GPC3: variants seen among roughly 807,000 people sequenced by gnomAD.
GPC3 encodes the protein glypican 3, also known as glypican-3.
GPC3 carries 3 observed loss-of-function variants against 34.4 expected under a neutral mutation model. That is an observed-to-expected ratio of 0.09 (90% CI 0.04 to 0.23). The LOEUF (loss-of-function observed/expected upper bound fraction) is 0.23, where lower values mean the gene tolerates loss of function less well. GPC3 is among the 10% of genes least tolerant of loss of function. The probability of loss-of-function intolerance (pLI) is 1.00; values close to 1 mark genes in which losing one functional copy is unlikely to be tolerated. For synonymous variants in GPC3, 177 were observed against 174.0 expected (o/e 1.02, Z -0.13); for missense variants, 351 against 445.6 (o/e 0.79, Z 1.91).
intron 2 of GPC3, among the ~76,000 whole-genome samples, chrX:133,822,597 A>G (rs750621474): frequency 5.4e-5 from 6 of 111,590 alleles, no homozygotes; most frequent in Non-Finnish European, 9.4e-5. Flanking sequence ...TAGGAAAAAT[A>G]TAGCATATAC....
intron 2 of GPC3, among the ~76,000 whole-genome samples, chrX:133,941,258 G>A (rs753978512): frequency 8.9e-6 from 1 of 112,496 alleles, no homozygotes; most frequent in African/African-American, 3.2e-5. Context: ...TGGGAAGGAT[G>A]TCCAGAATCC....
chrX:133,975,009 C>T (rs777971768), intron 1 of GPC3, among the ~76,000 whole-genome samples: 2 of 111,567 alleles, frequency 1.8e-5, no homozygotes, highest in South Asian at 7.8e-4. Flanking sequence ...TTACCAAGCA[C>T]CTATTATGTG....
At chrX:133,763,630 G>T in intron 2 of GPC3, 5 of 789,089 alleles carry the variant, frequency 6.3e-6, no homozygotes, top group Non-Finnish European at 9.5e-6. Context: ...CTGGTCTGCC[G>T]CTTCCACTGC....
intron 5 of GPC3, among the ~76,000 whole-genome samples, chrX:133,674,282 T>G (rs1008758871): frequency 3.6e-5 from 4 of 111,061 alleles, no homozygotes; most frequent in Non-Finnish European, 7.6e-5. Flanking sequence ...TTGCAATGAA[T>G]AGCCAAGGGA....
At chrX:133,604,194 T>C (rs1311814315) in intron 6 of GPC3, among the ~76,000 whole-genome samples, 1 of 111,532 alleles carries the variant, frequency 9.0e-6, no homozygotes, top group African/African-American at 3.3e-5. Context: ...AGAGATCTCA[T>C]TAACAGTAAC....
intron 2 of GPC3, among the ~76,000 whole-genome samples, chrX:133,772,778 A>C (rs748026825): frequency 7.1e-4 from 79 of 111,884 alleles, no homozygotes; most frequent in African/African-American, 2.4e-3. Flanking sequence ...CTCACATTTT[A>C]TTAATTAATT....
chrX:133,611,152 A>G (rs1279678590), intron 6 of GPC3, among the ~76,000 whole-genome samples: 3 of 108,765 alleles, frequency 2.8e-5, no homozygotes, highest in Non-Finnish European at 5.7e-5. Context: ...CTTCTTCCTG[A>G]ATCCTTAGCC....
intron 6 of GPC3, among the ~76,000 whole-genome samples, chrX:133,599,787 G>C (rs2069959915): frequency 8.9e-6 from 1 of 111,833 alleles, no homozygotes; most frequent in Non-Finnish European, 1.9e-5. Flanking sequence ...ATTATGTTTA[G>C]ATATAGATTA....
At chrX:133,944,123 T>C (rs2076357308) in intron 2 of GPC3, among the ~76,000 whole-genome samples, 1 of 110,709 alleles carries the variant, frequency 9.0e-6, no homozygotes, top group African/African-American at 3.3e-5. Flanking sequence ...CATTCAAACA[T>C]TTACTGAAAG....
At chrX:133,790,939 G>A (rs184695421) in intron 2 of GPC3, among the ~76,000 whole-genome samples, 222 of 111,843 alleles carry the variant, frequency 2.0e-3, no homozygotes, top group South Asian at 0.011. Context: ...GATGGTGTGG[G>A]TGTGGCAGGG....
Position 133,740,012 on chromosome X carries a change from G to C in GPC3, c.1032+13470C>G, listed in dbSNP as rs977471669. Among the ~76,000 whole-genome samples, 3 of 112,028 alleles carry C rather than the reference G, an allele frequency of 2.7e-5. No individual in the cohort carries two copies. The Admixed American group carries it at 2.8e-4, about 11-fold the overall frequency. On this transcript the variant is annotated intron_variant, in intron 3 of 7. Coordinates refer to ENST00000370818, the MANE Select transcript of GPC3 (RefSeq NM_004484.4). ...CCAAGCCGATCCATTCCTGTGCAGG[G>C]TATTGACTCAGCTTTCCATCTAGAA...
At chrX:133,848,882 AAGGGGGTTGTGAGTAC>A (rs1352446263) in intron 2 of GPC3, among the ~76,000 whole-genome samples, 2 of 110,587 alleles carry the variant, frequency 1.8e-5, no homozygotes, top group East Asian at 5.7e-4. Context: ...AATGGAGAGT[AAGGGGGTTGTGAGTAC>A]AGGCAATGAC....
intron 2 of GPC3, among the ~76,000 whole-genome samples, chrX:133,895,187 T>G (rs1423030334): frequency 8.9e-6 from 1 of 112,117 alleles, no homozygotes; most frequent in East Asian, 2.8e-4. Context: ...TGGGGACTGA[T>G]GATGAGAATT....
intron 7 of GPC3, among the ~76,000 whole-genome samples, chrX:133,573,733 G>A (rs2069651808): frequency 1.8e-5 from 2 of 112,113 alleles, no homozygotes; most frequent in South Asian, 7.4e-4. Flanking sequence ...CCTATACTCT[G>A]AATAATACAA....
intron 2 of GPC3, among the ~76,000 whole-genome samples, chrX:133,827,303 A>T (rs374761534): frequency 8.9e-6 from 1 of 112,423 alleles, no homozygotes; most frequent in Non-Finnish European, 1.9e-5. Context: ...CAGTCATTAT[A>T]TAGGTAAATA....
At chrX:133,754,734 A>G (rs2071710148) in intron 2 of GPC3, among the ~76,000 whole-genome samples, 1 of 112,404 alleles carries the variant, frequency 8.9e-6, no homozygotes, top group Non-Finnish European at 1.9e-5. Context: ...ATAACTTTAA[A>G]GAGAGCTTTC....
chrX:133,553,494 A>G (rs2069455421), intron 7 of GPC3, among the ~76,000 whole-genome samples: 1 of 112,330 alleles, frequency 8.9e-6, no homozygotes, highest in African/African-American at 3.2e-5. Flanking sequence ...CTAATCTGCA[A>G]TTATCCAGAG....
chrX:133,734,842 A>G (rs1457735097), intron 3 of GPC3, among the ~76,000 whole-genome samples: 4 of 111,744 alleles, frequency 3.6e-5, no homozygotes, highest in Non-Finnish European at 7.5e-5. Context: ...CTAGCAATAA[A>G]TAACCCAAAA....
chrX:133,923,411 G>A (rs1399690727), intron 2 of GPC3, among the ~76,000 whole-genome samples: 1 of 111,521 alleles, frequency 9.0e-6, no homozygotes, highest in African/African-American at 3.3e-5. Context: ...ATTCAAGAGA[G>A]AATAATCTAA....
Sources: allele counts gnomAD v4.1 joint callset (sites outside exome capture counted in the v4.1 genomes callset), GRCh38; gene constraint gnomAD v4.1.1; transcripts MANE v1.5; gene names NCBI Gene and HGNC (gene_info 2026-07-23, HGNC 2026-07-21).